Variants in GPC6 observed in about 807,000 individuals in gnomAD.
The protein encoded by GPC6 is glypican 6, also known as glypican-6.
Under a neutral mutation model 55.2 loss-of-function variants are expected in GPC6, and 14 were observed. That is an observed-to-expected ratio of 0.25 (90% CI 0.17 to 0.40). The LOEUF (loss-of-function observed/expected upper bound fraction) is 0.40, where lower values mean the gene tolerates loss of function less well. Among genes scored for constraint, GPC6 ranks in the 10% least tolerant of loss-of-function variants. The pLI, the probability that GPC6 is intolerant of heterozygous loss-of-function variation, is 1.00. For synonymous variants in GPC6, 278 were observed against 259.6 expected, an observed-to-expected ratio of 1.07 and a Z score of -0.68; for missense variants, 641 against 708.5, an observed-to-expected ratio of 0.90 and a Z score of 1.08.
At chr13:93,711,200 C>T (rs1883045932) in intron 2 of GPC6, among the ~76,000 whole-genome samples, 1 of 151,774 alleles carries the variant, frequency 6.6e-6, no homozygotes, top group African/African-American at 2.4e-5. Context: ...TAAATGTTTT[C>T]AAGGTCTTGT....
chr13:93,555,988 A>G (rs912505535), intron 2 of GPC6, among the ~76,000 whole-genome samples: 1 of 152,202 alleles, frequency 6.6e-6, no homozygotes, highest in Non-Finnish European at 1.5e-5. Context: ...CTGACATATT[A>G]AGGTCAGCCA....
At chr13:94,358,335 A>T (rs184315738) in intron 6 of GPC6, among the ~76,000 whole-genome samples, 1 of 152,170 alleles carries the variant, frequency 6.6e-6, no homozygotes, top group East Asian at 1.9e-4. Flanking sequence ...ACCATGAATT[A>T]AGTTATGGCA....
At chr13:93,728,006 C>T (rs997808243) in intron 2 of GPC6, among the ~76,000 whole-genome samples, 2 of 152,234 alleles carry the variant, frequency 1.3e-5, no homozygotes, top group East Asian at 3.9e-4. Flanking sequence ...ACCCTCTTCA[C>T]TCCCATCAAC....
intron 6 of GPC6, among the ~76,000 whole-genome samples, chr13:94,347,885 G>A (rs533731997): frequency 6.6e-6 from 1 of 152,306 alleles, no homozygotes; most frequent in African/African-American, 2.4e-5. Context: ...CCGTTAAATG[G>A]TTCAGTTGTT....
rs11365527 is a variant in GPC6 at position 93,863,428 on chromosome 13, AT to A, written c.711+32886del. Among the ~76,000 whole-genome samples the A allele has an allele frequency of 4.6e-3, 703 of 151,804 alleles. 8 individuals carry two copies. The highest frequency in any genetic ancestry group is 0.016 in the African/African-American group (674 of 41,496). On this transcript the variant is annotated intron_variant, in intron 3 of 8. Transcript: ENST00000377047. ...AGAAGTAGAAAATGAAATAATTATC[AT>A]TTCTCTTAGTAATTTGTTAAATCCA...
intron 2 of GPC6, among the ~76,000 whole-genome samples, chr13:93,792,913 G>A (rs1179391142): frequency 6.6e-6 from 1 of 152,176 alleles, no homozygotes; most frequent in African/African-American, 2.4e-5. Context: ...CAGAGTTTGA[G>A]TTGCTTCTTG....
chr13:93,439,874 A>G (rs996938901), intron 1 of GPC6, among the ~76,000 whole-genome samples: 3 of 152,104 alleles, frequency 2.0e-5, no homozygotes, highest in Non-Finnish European at 4.4e-5. Flanking sequence ...TGTCCCTAAA[A>G]GCATTGTTTA....
intron 2 of GPC6, among the ~76,000 whole-genome samples, chr13:93,780,569 A>G (rs1885608160): frequency 6.7e-6 from 1 of 149,080 alleles, no homozygotes; most frequent in Non-Finnish European, 1.5e-5. Context: ...AACCTTAATG[A>G]CTTTATGGTT....
chr13:93,545,385 C>T lies in GPC6; in HGVS notation c.283C>T (p.Arg95Cys), dbSNP rs760150200. ...TGTGGAAGAGACAAGCCATTTTGTG[C>T]GCACCACTTTTGTGTCCAGGCATAA... is the stretch of plus-strand genomic sequence containing the variant. ...NLVEETSHFVRTTFVSRHKKF... is the reference protein window; with the variant it reads ...NLVEETSHFVCTTFVSRHKKF... Residue 95 changes from arginine to cysteine, a missense_variant, in exon 2 of 9, where the codon CGC (arginine) becomes TGC (cysteine). By Grantham distance (180) the Arg-to-Cys change is radical. Coordinates refer to ENST00000377047, the MANE Select transcript of GPC6 (RefSeq NM_005708.5). 1.7e-5 allele frequency: 28 copies of T among 1,613,684 alleles called. 1 individual carries two copies. Among genetic ancestry groups the T allele is most frequent in the South Asian group, 9.9e-5 (9 of 91,068 alleles).
chr13:94,144,719 A>G (rs374779052), intron 4 of GPC6, among the ~76,000 whole-genome samples: 11 of 152,092 alleles, frequency 7.2e-5, no homozygotes, highest in African/African-American at 2.4e-4. Context: ...TCCTAAATCT[A>G]TTTAATTTGG....
intron 1 of GPC6, among the ~76,000 whole-genome samples, chr13:93,390,853 A>G (rs1341659106): frequency 3.3e-5 from 5 of 151,256 alleles, no homozygotes; most frequent in South Asian, 4.2e-4. Flanking sequence ...GTTTCCTTAT[A>G]AGGGCATTTA....
chr13:93,311,989 A>G (rs1879083972), intron 1 of GPC6, among the ~76,000 whole-genome samples: 1 of 152,226 alleles, frequency 6.6e-6, no homozygotes, highest in Non-Finnish European at 1.5e-5. Flanking sequence ...CCTTAACAGA[A>G]TAACTCAAAA....
chr13:94,368,931 G>A (rs1392267267), intron 6 of GPC6, among the ~76,000 whole-genome samples: 2 of 152,158 alleles, frequency 1.3e-5, no homozygotes, highest in Admixed American at 1.3e-4. Context: ...TGCAAAAATT[G>A]TTTTGTGTAT....
At chr13:93,635,649 C>A (rs1199909748) in intron 2 of GPC6, among the ~76,000 whole-genome samples, 1 of 152,148 alleles carries the variant, frequency 6.6e-6, no homozygotes, top group African/African-American at 2.4e-5. Flanking sequence ...AGCAATCTGT[C>A]TTGCATCAAA....
chr13:93,780,890 T>C (rs1225507357), intron 2 of GPC6, among the ~76,000 whole-genome samples: 1 of 152,228 alleles, frequency 6.6e-6, no homozygotes, highest in African/African-American at 2.4e-5. Flanking sequence ...ACTGAAAATT[T>C]ATTTTTTTGA....
At chr13:93,511,195 A>T (rs1880957525) in intron 1 of GPC6, among the ~76,000 whole-genome samples, 1 of 150,628 alleles carries the variant, frequency 6.6e-6, no homozygotes, top group Non-Finnish European at 1.5e-5. Flanking sequence ...CATTTTAAAA[A>T]TTAAGTCCCT....
intron 2 of GPC6, among the ~76,000 whole-genome samples, chr13:93,718,390 T>C (rs1302876431): frequency 6.6e-6 from 1 of 152,012 alleles, no homozygotes; most frequent in Non-Finnish European, 1.5e-5. Flanking sequence ...GTTTGTTGGG[T>C]GCCTAAATGT....
At chr13:93,477,913 G>C (rs564189285) in intron 1 of GPC6, among the ~76,000 whole-genome samples, 1 of 152,086 alleles carries the variant, frequency 6.6e-6, no homozygotes, top group East Asian at 1.9e-4. Context: ...TCTTAACATA[G>C]TACCGTATAT....
intron 1 of GPC6, among the ~76,000 whole-genome samples, chr13:93,360,440 A>T (rs192572316): frequency 6.6e-6 from 1 of 152,334 alleles, no homozygotes; most frequent in East Asian, 1.9e-4. Flanking sequence ...GCAGGCACAG[A>T]GAGCAATACA....
Sources: gnomAD v4.1 joint callset for allele counts (sites outside exome capture counted in the v4.1 genomes callset) on GRCh38, gnomAD v4.1.1 for gene constraint, MANE v1.5 for transcripts, NCBI Gene and HGNC (gene_info 2026-07-23, HGNC 2026-07-21) for gene names.